Variants in MCTP1 observed in about 807,000 individuals in gnomAD.
The protein encoded by MCTP1 is multiple C2 and transmembrane domain containing 1.
In MCTP1, 69 loss-of-function variants were observed where a neutral mutation model predicts 120.6. The observed-to-expected ratio is 0.57, with a 90% CI of 0.47 to 0.70. The LOEUF is 0.70. MCTP1 is among the 30% of genes least tolerant of loss of function. MCTP1 has a pLI of 0.00. For synonymous variants in MCTP1, 529 were observed against 493.1 expected (o/e 1.07, Z -0.96); for missense variants, 1,203 against 1,248.8 (o/e 0.96, Z 0.55).
chr5:94,829,228 C>T (rs1188186527), intron 17 of MCTP1, among the ~76,000 whole-genome samples: 3 of 152,160 alleles, frequency 2.0e-5, no homozygotes, highest in African/African-American at 7.2e-5. Flanking sequence ...GAGGGAGTTC[C>T]CCAACCCCTT....
chr5:95,251,269 C>T (rs1053787355), intron 1 of MCTP1, among the ~76,000 whole-genome samples: 3 of 151,862 alleles, frequency 2.0e-5, no homozygotes, highest in African/African-American at 7.3e-5. Flanking sequence ...AAAGCAAGCG[C>T]AAAGACCCTG....
chr5:95,096,422 C>A (rs1434058597), intron 1 of MCTP1, among the ~76,000 whole-genome samples: 2 of 152,008 alleles, frequency 1.3e-5, no homozygotes, highest in East Asian at 3.9e-4. Flanking sequence ...TTGGTAAGGA[C>A]AGAGAGACTT....
At chr5:94,867,067 C>T (rs943471940) in intron 17 of MCTP1, 2 of 413,106 alleles carry the variant, frequency 4.8e-6, no homozygotes, top group African/African-American at 2.0e-5. Context: ...CTAAAATAGA[C>T]ATAGAAGCTC....
At chr5:95,151,268 G>A (rs1760876039) in intron 1 of MCTP1, among the ~76,000 whole-genome samples, 1 of 151,732 alleles carries the variant, frequency 6.6e-6, no homozygotes, top group Admixed American at 6.6e-5. Flanking sequence ...ATAGGCATGA[G>A]CCACCACACC....
chr5:94,770,257 C>T (rs963914475), intron 19 of MCTP1, among the ~76,000 whole-genome samples: 1 of 152,118 alleles, frequency 6.6e-6, no homozygotes. Flanking sequence ...CTGAAAAAAT[C>T]GTGTCTATTT....
intron 2 of MCTP1, among the ~76,000 whole-genome samples, chr5:94,956,723 A>T (rs536678043): frequency 6.6e-6 from 1 of 152,086 alleles, no homozygotes; most frequent in East Asian, 1.9e-4. Context: ...ACAAAAAAAA[A>T]GAATGAAAAG....
At chr5:94,998,665 A>C (rs563174159) in intron 2 of MCTP1, among the ~76,000 whole-genome samples, 1 of 152,156 alleles carries the variant, frequency 6.6e-6, no homozygotes. Flanking sequence ...TAGAGACTCT[A>C]AGCTGGTTCT....
chr5:95,216,329 T>C (rs1282558319), intron 1 of MCTP1, among the ~76,000 whole-genome samples: 2 of 152,332 alleles, frequency 1.3e-5, no homozygotes, highest in East Asian at 1.9e-4. Flanking sequence ...CTATGATACA[T>C]CCATAGGAAG....
intron 1 of MCTP1, among the ~76,000 whole-genome samples, chr5:95,174,742 A>G (rs971560849): frequency 6.6e-6 from 1 of 152,186 alleles, no homozygotes; most frequent in Non-Finnish European, 1.5e-5. Context: ...TAGTCCTGAG[A>G]ACAGAGCCTG....
intron 5 of MCTP1, among the ~76,000 whole-genome samples, chr5:94,939,284 A>G (rs1470254503): frequency 6.6e-6 from 1 of 152,050 alleles, no homozygotes; most frequent in East Asian, 1.9e-4. Context: ...ACAGCAATAC[A>G]TACATTGCTG....
At chr5:95,023,285 G>T (rs1838555713) in intron 1 of MCTP1, among the ~76,000 whole-genome samples, 1 of 152,220 alleles carries the variant, frequency 6.6e-6, no homozygotes, top group African/African-American at 2.4e-5. Flanking sequence ...CCCTCTGTAA[G>T]AGGGATGAGA....
chr5:94,832,574 C>G (rs1788757985), intron 17 of MCTP1, among the ~76,000 whole-genome samples: 1 of 151,556 alleles, frequency 6.6e-6, no homozygotes, highest in East Asian at 1.9e-4. Flanking sequence ...CAGTCATTTT[C>G]ACACAGGTTC....
In MCTP1 at chr5:95,200,684, T is replaced by C. The variant is rs1158620357; in HGVS notation, c.720+83172A>G. ...GATTAGGGAGATGTTGGTCAAAGGA[T>C]ATAAAATTTCAGTTAGATAAAAGTA... On this transcript the variant is annotated intron_variant, in intron 1 of 22. Coordinates refer to ENST00000515393, the MANE Select transcript of MCTP1 (RefSeq NM_024717.7). Among the ~76,000 whole-genome samples, 3 of 152,332 alleles carry C rather than the reference T, an allele frequency of 2.0e-5. No homozygotes were observed. The East Asian group carries it at 5.8e-4, about 29-fold the overall frequency.
intron 19 of MCTP1, among the ~76,000 whole-genome samples, chr5:94,767,417 C>CA (rs1773035869): frequency 6.6e-6 from 1 of 151,966 alleles, no homozygotes; most frequent in African/African-American, 2.4e-5. Flanking sequence ...CTAGCTAGAG[C>CA]AATCAGGCAA....
At chr5:95,021,733 T>C (rs770760834) in intron 1 of MCTP1, among the ~76,000 whole-genome samples, 1 of 152,096 alleles carries the variant, frequency 6.6e-6, no homozygotes, top group African/African-American at 2.4e-5. Context: ...ATATAATGCC[T>C]TTTTGACTCT....
chr5:94,866,415 C>A (rs777449482), intron 17 of MCTP1, among the ~76,000 whole-genome samples: 14 of 151,870 alleles, frequency 9.2e-5, no homozygotes, highest in Middle Eastern at 3.4e-3. Flanking sequence ...TTTTTTCCAG[C>A]GAAACACAGG....
chr5:95,221,193 AAATAT>A (rs1753654317), intron 1 of MCTP1, among the ~76,000 whole-genome samples: 1 of 152,244 alleles, frequency 6.6e-6, no homozygotes, highest in African/African-American at 2.4e-5. Context: ...GTAGTCACAT[AAATAT>A]AATACTTACA....
chr5:94,795,605 C>T (rs1211781640), intron 18 of MCTP1, among the ~76,000 whole-genome samples: 2 of 152,126 alleles, frequency 1.3e-5, no homozygotes, highest in Non-Finnish European at 2.9e-5. Context: ...CCCTTTCACG[C>T]CAGGGACATT....
intron 18 of MCTP1, among the ~76,000 whole-genome samples, chr5:94,782,885 G>GT (rs1487965528): frequency 6.6e-6 from 1 of 152,076 alleles, no homozygotes; most frequent in Non-Finnish European, 1.5e-5. Flanking sequence ...ACGAAGTTCG[G>GT]TTTTTTCTCT....
Sources: allele counts gnomAD v4.1 joint callset (sites outside exome capture counted in the v4.1 genomes callset), GRCh38; gene constraint gnomAD v4.1.1; transcripts MANE v1.5; gene names NCBI Gene and HGNC (gene_info 2026-07-23, HGNC 2026-07-21).